Variants in RBM26 observed in about 807,000 individuals in gnomAD.
RBM26 encodes the protein RNA binding motif protein 26.
RBM26 carries 30 observed loss-of-function variants against 123.6 expected under a neutral mutation model. The observed-to-expected ratio is 0.24, with a 90% CI of 0.18 to 0.33. RBM26 has a LOEUF of 0.33. RBM26 is among the 10% of genes least tolerant of loss of function. The probability of loss-of-function intolerance (pLI) is 1.00; values close to 1 mark genes in which losing one functional copy is unlikely to be tolerated. For missense variants in RBM26, 947 were observed against 1,203.6 expected, an observed-to-expected ratio of 0.79 and a Z score of 3.15; for synonymous variants, 400 against 404.4, an observed-to-expected ratio of 0.99 and a Z score of 0.13.
chr13:79,373,273 T>C (rs552182877), intron 3 of RBM26, among the ~76,000 whole-genome samples: 19 of 109,952 alleles, frequency 1.7e-4, no homozygotes, highest in Non-Finnish European at 2.8e-4. Context: ...TGAGTTCTAA[T>C]GTATTTATAT....
Position 79,319,970 on chromosome 13 carries a change from T to TTTTTG in RBM26, c.*650_*651insCAAAA. 2.2e-6 allele frequency: 1 copy of TTTTTG among 457,404 alleles called. No homozygotes were observed. The highest frequency in any genetic ancestry group is 1.0e-4 in the South Asian group (1 of 9,692). The allele number at this position is 457,404 out of a possible 1,614,324, so 28.3% of individuals were successfully genotyped here. On this transcript the variant is annotated 3_prime_UTR_variant, in exon 22 of 22. Transcript: ENST00000438737. ...TTGGCTTTTTTTTTTTTTTTTTTTT[T>TTTTTG]GTCATTGCTTTTCTCTTTTCTTTCC...
At position 79,365,517 on chromosome 13, in the gene RBM26, T is replaced by C. The variant is rs754470170; in HGVS notation, c.1417+61A>G. The C allele has an allele frequency of 1.6e-5, 22 of 1,353,500 alleles. No homozygotes were observed. In the Middle Eastern group the frequency reaches 2.9e-3, roughly 181 times the overall value. The allele number at this position is 1,353,500 out of a possible 1,614,324, so 83.8% of individuals were successfully genotyped here. A position where few individuals can be genotyped will look rare whatever the true frequency, so the allele number is the denominator to read the frequency against. On this transcript the variant is annotated intron_variant, in intron 9 of 21. Coordinates refer to ENST00000438737, the MANE Select transcript of RBM26 (RefSeq NM_001366735.2). Reference sequence around the variant, plus strand: ...TAAAGGCAAGACCAACTGTTCTTTATAAATGTTTTCCCACTGTTTATATTA... The same window carrying C: ...TAAAGGCAAGACCAACTGTTCTTTACAAATGTTTTCCCACTGTTTATATTA...
At chr13:79,344,908 G>GA in intron 14 of RBM26, 114 bp from the exon 15 acceptor site, 1 of 891,460 alleles carries the variant, frequency 1.1e-6, no homozygotes. Context: ...AAAACACACT[G>GA]AACTAAATGT....
intron 1 of RBM26, among the ~76,000 whole-genome samples, chr13:79,379,227 T>G (rs567170681): frequency 6.6e-6 from 1 of 151,782 alleles, no homozygotes; most frequent in African/African-American, 2.4e-5. Context: ...TAAGAAGAGA[T>G]AAATTATGCA....
intron 3 of RBM26, among the ~76,000 whole-genome samples, chr13:79,373,580 T>C (rs1381397772): frequency 7.1e-5 from 8 of 112,394 alleles, no homozygotes; most frequent in Admixed American, 1.3e-4. Flanking sequence ...ATAATATATT[T>C]ATATATTACT....
intron 1 of RBM26, among the ~76,000 whole-genome samples, chr13:79,400,095 T>C (rs1371457267): frequency 6.6e-6 from 1 of 152,220 alleles, no homozygotes; most frequent in African/African-American, 2.4e-5. Flanking sequence ...TGTATGTATT[T>C]GTAAATCCTA....
At chr13:79,349,697 C>T (rs1283188371) in intron 14 of RBM26, among the ~76,000 whole-genome samples, 1 of 151,600 alleles carries the variant, frequency 6.6e-6, no homozygotes, top group East Asian at 1.9e-4. Flanking sequence ...TATGATAAAT[C>T]CCACTCTTTT....
At chr13:79,373,695 A>AGTCT (rs1566510755) in intron 3 of RBM26, among the ~76,000 whole-genome samples, 4 of 33,122 alleles carry the variant, frequency 1.2e-4, no homozygotes, top group African/African-American at 2.5e-4. Flanking sequence ...AATAATATAT[A>AGTCT]ATATTTTATA....
intron 11 of RBM26, among the ~76,000 whole-genome samples, chr13:79,357,954 C>T (rs2074228900): frequency 6.7e-6 from 1 of 149,374 alleles, no homozygotes; most frequent in African/African-American, 2.5e-5. Context: ...GCAATCTCGG[C>T]TCGCTGCAAC....
At chr13:79,380,932 T>G (rs372047443) in intron 1 of RBM26, among the ~76,000 whole-genome samples, 1 of 152,140 alleles carries the variant, frequency 6.6e-6, no homozygotes, top group African/African-American at 2.4e-5. Context: ...AAATTTTTGA[T>G]GTCTGAACTA....
chr13:79,327,113 T>A (rs1304042545), intron 20 of RBM26, among the ~76,000 whole-genome samples: 1 of 151,952 alleles, frequency 6.6e-6, no homozygotes, highest in African/African-American at 2.4e-5. Context: ...CTGGACAACA[T>A]GGTGAGACCC....
chr13:79,320,543 A>T lies in RBM26; in HGVS notation c.*78T>A. 1 of 1,312,946 alleles carries T rather than the reference A, an allele frequency of 7.6e-7. No individual in the cohort carries two copies. The allele number at this position is 1,312,946 out of a possible 1,614,324, so 81.3% of individuals were successfully genotyped here. A position where few individuals can be genotyped will look rare whatever the true frequency, so the allele number is the denominator to read the frequency against. ...CATTTTACCAAAAATTGTTTTTACA[A>T]ATATGTAAAAGTACATTAGATAATA... is the stretch of plus-strand genomic sequence containing the variant. On this transcript the variant is annotated 3_prime_UTR_variant, in exon 22 of 22. Coordinates refer to ENST00000438737, the MANE Select transcript of RBM26 (RefSeq NM_001366735.2).
intron 6 of RBM26, among the ~76,000 whole-genome samples, chr13:79,368,119 G>A (rs71436519): frequency 0.027 from 4,030 of 151,324 alleles, 88 homozygotes; most frequent in Non-Finnish European, 0.042. Context: ...TCCACCTCCC[G>A]GTTTCACGCC....
chr13:79,368,977 T>C lies in RBM26; in HGVS notation c.648A>G (p.Val216=). 2.5e-6 allele frequency: 4 copies of C among 1,603,502 alleles called. No individual in the cohort carries two copies. Among genetic ancestry groups the C allele is most frequent in the African/African-American group, 1.3e-5 (1 of 74,746 alleles). ...SRTRSRERDL[V]KPKYDLDRTD... is the part of the protein sequence containing the mutation. ...TTCTATCCAGGTCATATTTAGGTTT[T>C]ACCAGATCCCTTTCTGCAACGAAAG... Residue 216 remains valine (V), a synonymous_variant, in exon 6 of 22, where the codon GTA becomes GTG. Transcript: ENST00000438737.
chr13:79,365,634 G>A lies in RBM26; in HGVS notation c.1361C>T (p.Ala454Val), dbSNP rs760665284. The A allele has an allele frequency of 7.4e-6, 12 of 1,613,618 alleles. No homozygotes were observed. The highest frequency in any genetic ancestry group is 1.0e-5 in the Non-Finnish European group (12 of 1,179,722). Residue 454 changes from alanine (A) to valine (V), a missense_variant, in exon 9 of 22, where the codon GCA becomes GTA. By Grantham distance (64) the Ala-to-Val change is moderately conservative. This residue lies in a region of RBM26 where 493 missense variants were observed against 563.1 expected (regional missense o/e 0.88). Coordinates refer to ENST00000438737, the MANE Select transcript of RBM26 (RefSeq NM_001366735.2). ...SRPMYRHRVH[A>V]QRPNLIGLTS... ...TAGTCCTATCAAGTTGGGCCTTTGTGCATGCACTCTGTGTCTATACATAGG... is the reference window on the plus strand; with the variant it reads ...TAGTCCTATCAAGTTGGGCCTTTGTACATGCACTCTGTGTCTATACATAGG...
chr13:79,342,595 G>A, intron 17 of RBM26, 69 bp downstream of exon 17: 3 of 1,271,184 alleles, frequency 2.4e-6, no homozygotes, highest in South Asian at 2.7e-5. Flanking sequence ...AAGAAAAACT[G>A]AATCTTAAAA....
At chr13:79,404,949 T>C (rs563886929) in intron 1 of RBM26, among the ~76,000 whole-genome samples, 2 of 152,332 alleles carry the variant, frequency 1.3e-5, no homozygotes, top group African/African-American at 4.8e-5. Flanking sequence ...CATTGCATTA[T>C]TGTAAATCAA....
At chr13:79,318,191 A>G (rs2067321118), downstream of RBM26, among the ~76,000 whole-genome samples, 1 of 151,460 alleles carries the variant, frequency 6.6e-6, no homozygotes, top group African/African-American at 2.4e-5. Flanking sequence ...CATATTTACT[A>G]TAAACACAAT....
At chr13:79,367,638 T>G (rs1446948429) in intron 6 of RBM26, among the ~76,000 whole-genome samples, 1 of 151,856 alleles carries the variant, frequency 6.6e-6, no homozygotes, top group Non-Finnish European at 1.5e-5. Flanking sequence ...CCACTCTTGC[T>G]CCCTTTTAGT....
Sources: allele counts gnomAD v4.1 joint callset (sites outside exome capture counted in the v4.1 genomes callset), GRCh38; gene constraint gnomAD v4.1.1; regional missense constraint gnomAD v4.1.1; transcripts MANE v1.5; gene names NCBI Gene and HGNC (gene_info 2026-07-23, HGNC 2026-07-21).